Variants in FOXK2 observed in about 807,000 individuals in gnomAD.
The protein encoded by FOXK2 is forkhead box K2, also known as forkhead box protein K2.
In FOXK2, 24 loss-of-function variants were observed where a neutral mutation model predicts 53.3. The ratio of observed to expected loss-of-function variants is 0.45; its 90% CI spans 0.33 to 0.63. FOXK2 has a LOEUF of 0.63. FOXK2 is among the 30% of genes least tolerant of loss of function. FOXK2 has a pLI of 0.03. For missense variants in FOXK2, 952 were observed against 910.5 expected (o/e 1.05, Z -0.59); for synonymous variants, 505 against 407.1 (o/e 1.24, Z -2.89).
chr17:82,591,469 A>G (rs1012217847), intron 8 of FOXK2, among the ~76,000 whole-genome samples: 1 of 152,084 alleles, frequency 6.6e-6, no homozygotes, highest in Non-Finnish European at 1.5e-5. Context: ...CCCATGGAGA[A>G]GGCCTGGAGG....
intron 8 of FOXK2, chr17:82,587,582 G>C: frequency 2.4e-6 from 1 of 419,252 alleles, no homozygotes; most frequent in Non-Finnish European, 4.5e-6. Flanking sequence ...GGGAGCCGCC[G>C]CGTGTCTTTT....
chr17:82,519,925 A>C lies in FOXK2; in HGVS notation c.37A>C (p.Thr13Pro). ...AAAAALSGAG[T>P]PPAGGGAGGG... ...CGCGGCGGCGCTCTCGGGCGCGGGC[A>C]CGCCACCCGCGGGCGGCGGGGCCGG... The change falls in exon 1 of 9, where the codon ACG becomes CCG. Residue 13 changes from threonine to proline, a missense_variant. Transcript: ENST00000335255. 1 of 975,928 alleles carries C rather than the reference A, an allele frequency of 1.0e-6. No individual in the cohort carries two copies. Among genetic ancestry groups the C allele is most frequent in the Non-Finnish European group, 1.2e-6 (1 of 826,082 alleles). 60.5% of individuals were successfully genotyped at this position (975,928 alleles called of 1,614,324 possible).
At chr17:82,554,148 A>G (rs760102022) in intron 1 of FOXK2, among the ~76,000 whole-genome samples, 1 of 152,128 alleles carries the variant, frequency 6.6e-6, no homozygotes, top group Non-Finnish European at 1.5e-5. Flanking sequence ...ACTTTTTTGA[A>G]ACTGGTTGTA....
chr17:82,577,818 A>T (rs2045007778), intron 4 of FOXK2, among the ~76,000 whole-genome samples: 1 of 152,028 alleles, frequency 6.6e-6, no homozygotes, highest in Admixed American at 6.5e-5. Flanking sequence ...GCTCACTGCA[A>T]CCTTTGCCTC....
chr17:82,550,928 C>T (rs1446181540), intron 1 of FOXK2, among the ~76,000 whole-genome samples: 4 of 152,200 alleles, frequency 2.6e-5, no homozygotes, highest in Middle Eastern at 3.2e-3. Context: ...GTGCAGTAAG[C>T]GTGCGTCACT....
intron 1 of FOXK2, among the ~76,000 whole-genome samples, chr17:82,531,037 T>C (rs2044467972): frequency 6.6e-6 from 1 of 152,210 alleles, no homozygotes; most frequent in South Asian, 2.1e-4. Flanking sequence ...CTTGAGGACC[T>C]GTTCCCACTT....
chr17:82,553,100 T>C (rs1567971845), intron 1 of FOXK2, among the ~76,000 whole-genome samples: 2 of 152,162 alleles, frequency 1.3e-5, no homozygotes. Context: ...CACACCTGGC[T>C]GATTTTTGTA....
At chr17:82,596,772 C>G (rs1384296964) in intron 8 of FOXK2, among the ~76,000 whole-genome samples, 1 of 152,208 alleles carries the variant, frequency 6.6e-6, no homozygotes, top group African/African-American at 2.4e-5. Flanking sequence ...GGCGGAGCCC[C>G]TCTTTCTTTG....
In FOXK2 at chr17:82,587,262, G is replaced by C. The variant is rs770711486; in HGVS notation, c.1776G>C (p.Gln592His). ...VASVPTAVHG[Q>H]VNNAAASPLH... ...CAGTCCCCACTGCGGTCCACGGCCA[G>C]GTGAACAATGGTAAGACATGCTGGT... Residue 592 changes from glutamine (Q) to histidine (H), a missense_variant, in exon 8 of 9, where the codon CAG (glutamine) becomes CAC (histidine). Gln to His is a conservative substitution (Grantham distance 24). This residue lies in a region of FOXK2 where 551 missense variants were observed against 385.1 expected (regional missense o/e 1.43). Transcript: ENST00000335255. 3.1e-6 allele frequency: 5 copies of C among 1,612,704 alleles called. No homozygotes were observed. Among genetic ancestry groups the C allele is most frequent in the Non-Finnish European group, 4.2e-6 (5 of 1,179,730 alleles).
At chr17:82,532,691 A>AT in intron 1 of FOXK2, among the ~76,000 whole-genome samples, 1 of 151,998 alleles carries the variant, frequency 6.6e-6, no homozygotes, top group Non-Finnish European at 1.5e-5. Context: ...GGTTCGAGTG[A>AT]TTCTCCTGCT....
chr17:82,596,117 A>ACACCTGCGGC, intron 8 of FOXK2: 1 of 1,049,034 alleles, frequency 9.5e-7, no homozygotes, highest in South Asian at 2.9e-5. Flanking sequence ...ACCTGCGGCC[A>ACACCTGCGGC]CAGACTGCGA....
chr17:82,538,775 G>A (rs1455164711), intron 1 of FOXK2, among the ~76,000 whole-genome samples: 2 of 152,148 alleles, frequency 1.3e-5, no homozygotes, highest in Admixed American at 6.6e-5. Context: ...CAGGCCTGGG[G>A]CTCACCCCTT....
chr17:82,535,265 T>C (rs1267782646), intron 1 of FOXK2, among the ~76,000 whole-genome samples: 1 of 152,230 alleles, frequency 6.6e-6, no homozygotes, highest in East Asian at 1.9e-4. Context: ...TTCTCTCTTT[T>C]TTTGTCTTTT....
Position 82,603,750 on chromosome 17 carries a change from A to G in FOXK2, c.*2251A>G, listed in dbSNP as rs1208646086. 2 of 145,422 alleles carry G rather than the reference A, an allele frequency of 1.4e-5. No individual in the cohort carries two copies. 9.0% of individuals were successfully genotyped at this position (145,422 alleles called of 1,614,324 possible). On this transcript the variant is annotated 3_prime_UTR_variant, in exon 9 of 9. Transcript: ENST00000335255. Reference sequence around the variant, plus strand: ...TTTTTTTTTTTTTGCCGTAGGCACCATTCTGCATCTTGAACCCAGACTGAA... The same window carrying G: ...TTTTTTTTTTTTTGCCGTAGGCACCGTTCTGCATCTTGAACCCAGACTGAA...
intron 1 of FOXK2, among the ~76,000 whole-genome samples, chr17:82,540,489 C>T (rs967651837): frequency 6.6e-6 from 1 of 152,134 alleles, no homozygotes; most frequent in Non-Finnish European, 1.5e-5. Context: ...CCCCCTTTCC[C>T]CTGTGTAGCC....
rs1215345258 is a variant in FOXK2 at position 82,554,026 on chromosome 17, G to T, written c.420-9328G>T. ...TTTTTGTATTTTTAGTAGAGATGGG[G>T]TTTCACCATGTTAGCCAGGATGGTC... On this transcript the variant is annotated intron_variant, in intron 1 of 8. Coordinates refer to ENST00000335255, the MANE Select transcript of FOXK2 (RefSeq NM_004514.4). Among the ~76,000 whole-genome samples, 4 of 152,204 alleles carry T rather than the reference G, an allele frequency of 2.6e-5. No individual in the cohort carries two copies. In the East Asian group the frequency reaches 5.8e-4, roughly 22 times the overall value.
Position 82,601,309 on chromosome 17 carries a change from C to A in FOXK2, c.1793C>A (p.Ala598Glu). The A allele has an allele frequency of 1.2e-6, 2 of 1,610,878 alleles. No individual in the cohort carries two copies. Among genetic ancestry groups the A allele is most frequent in the Admixed American group, 3.3e-5 (2 of 59,970 alleles). The change falls in exon 9 of 9, where the codon GCG (alanine) becomes GAG (glutamate). Residue 598 changes from alanine (A) to glutamate (E), a missense_variant. Coordinates refer to ENST00000335255, the MANE Select transcript of FOXK2 (RefSeq NM_004514.4). ...AVHGQVNNAA[A>E]SPLHMLATHA... The stretch of plus-strand genomic sequence containing the variant: ...CTCCCTCGTGTCATTTCAGCCGCGG[C>A]GAGTCCTTTGCACATGTTGGCAACA...
rs2044705652 is a variant in FOXK2 at position 82,554,620 on chromosome 17, C to T, written c.420-8734C>T. On this transcript the variant is annotated intron_variant, in intron 1 of 8. Coordinates refer to ENST00000335255, the MANE Select transcript of FOXK2 (RefSeq NM_004514.4). ...GCTTTCTGCCACCTAGTGTTCCTTT[C>T]CTGTAGTGCATCTCTTAACCTGTCC... 2.6e-5 allele frequency among the ~76,000 whole-genome samples: 4 copies of T among 152,326 alleles called. No homozygotes were observed. In the South Asian group the frequency reaches 8.3e-4, roughly 32 times the overall value.
chr17:82,580,953 T>G (rs1462550140), intron 4 of FOXK2, among the ~76,000 whole-genome samples: 1 of 152,350 alleles, frequency 6.6e-6, no homozygotes, highest in Non-Finnish European at 1.5e-5. Context: ...AGTAGCTCCA[T>G]CCACAGGGCC....
Sources: gnomAD v4.1 joint callset for allele counts (sites outside exome capture counted in the v4.1 genomes callset) on GRCh38, gnomAD v4.1.1 for gene constraint, gnomAD v4.1.1 regional missense constraint, MANE v1.5 for transcripts, NCBI Gene and HGNC (gene_info 2026-07-23, HGNC 2026-07-21) for gene names.